Variants in TMEM33 observed in about 807,000 individuals in gnomAD.
TMEM33 encodes transmembrane protein 33.
A neutral mutation model predicts 29.7 loss-of-function variants in TMEM33; 16 were observed. That is an observed-to-expected ratio of 0.54 (90% CI 0.36 to 0.82). TMEM33 has a LOEUF of 0.82. TMEM33 is among the 40% of genes least tolerant of loss of function. The probability of loss-of-function intolerance (pLI) is 0.00; values close to 1 mark genes in which losing one functional copy is unlikely to be tolerated. For synonymous variants in TMEM33, 112 were observed against 109.4 expected, an observed-to-expected ratio of 1.02 and a Z score of -0.15; for missense variants, 252 against 295.3, an observed-to-expected ratio of 0.85 and a Z score of 1.08.
chr4:41,938,284 TGTA>T (rs1331118360), intron 1 of TMEM33, among the ~76,000 whole-genome samples: 3 of 152,218 alleles, frequency 2.0e-5, no homozygotes, highest in Non-Finnish European at 2.9e-5. Flanking sequence ...CACAGACAAT[TGTA>T]GTTGAATTTC....
intron 5 of TMEM33, among the ~76,000 whole-genome samples, chr4:41,947,200 C>T (rs1389456044): frequency 1.3e-5 from 2 of 150,582 alleles, no homozygotes; most frequent in Admixed American, 1.3e-4. Context: ...CGTGCCACTG[C>T]GCTCCAGCCT....
intron 4 of TMEM33, 28 bp downstream of exon 4, chr4:41,943,842 T>G: frequency 6.3e-7 from 1 of 1,599,928 alleles, no homozygotes; most frequent in Non-Finnish European, 8.6e-7. Flanking sequence ...TTGTCTGACT[T>G]CTGAATTACA....
chr4:41,949,481 A>C (rs924701945), intron 6 of TMEM33, 96 bp downstream of exon 6: 33 of 948,892 alleles, frequency 3.5e-5, no homozygotes, highest in Non-Finnish European at 4.8e-5. Context: ...CTAATGTGTT[A>C]GACTTTAGAA....
chr4:41,938,685 G>T lies in TMEM33; in HGVS notation c.129G>T (p.Leu43=). 1 of 1,613,950 alleles carries T rather than the reference G, an allele frequency of 6.2e-7. No individual in the cohort carries two copies. Among genetic ancestry groups the T allele is most frequent in the East Asian group, 2.2e-5 (1 of 44,858 alleles). ...TTTACTGCTCTGCTCTGTTTGTTCT[G>T]CCTCTTCTTGGGTATGTATTATACA... ...FTVYCSALFV[L]PLLGLHEAAS... Residue 43 remains leucine, a synonymous_variant, in exon 2 of 7, where the codon CTG becomes CTT. Transcript: ENST00000504986.
At chr4:41,951,573 C>CT (rs1249036527) in intron 6 of TMEM33, among the ~76,000 whole-genome samples, 1 of 152,194 alleles carries the variant, frequency 6.6e-6, no homozygotes, top group Non-Finnish European at 1.5e-5. Context: ...ATTCATTTGA[C>CT]TGATTGGTTA....
rs34741115 is a variant in TMEM33 at position 41,957,267 on chromosome 4, GTTTTTT to G, written c.*3080_*3085del. The G allele has an allele frequency of 4.4e-5, 6 of 135,828 alleles. No individual in the cohort carries two copies. The highest frequency in any genetic ancestry group is 2.2e-4 in the Admixed American group (3 of 13,382). The allele number at this position is 135,828 out of a possible 1,614,324, so 8.4% of individuals were successfully genotyped here. ...AATTTATTATGCAATTTGTATTTAG[GTTTTTT>G]TTTTTTTTTTTGGAATGAAGTTCAG... On this transcript the variant is annotated 3_prime_UTR_variant, in exon 7 of 7. Transcript: ENST00000504986.
chr4:41,943,996 A>G (rs74999505), intron 4 of TMEM33, 182 bp downstream of exon 4: 8,779 of 563,144 alleles, frequency 0.016, 582 homozygotes, highest in African/African-American at 0.15. Context: ...TTCACAAACT[A>G]GAACATTTTA....
intron 5 of TMEM33, among the ~76,000 whole-genome samples, chr4:41,945,213 T>C (rs1349194196): frequency 6.6e-6 from 1 of 152,222 alleles, no homozygotes; most frequent in East Asian, 1.9e-4. Context: ...TCTAGTCCAG[T>C]CTGTCACTAT....
At chr4:41,935,237 G>A (rs1015204474), upstream of TMEM33, 1 of 586,920 alleles carries the variant, frequency 1.7e-6, no homozygotes, top group Non-Finnish European at 3.0e-6. Context: ...TGGAAACACC[G>A]CTTTGATCTC....
At chr4:41,939,159 T>C (rs551380994) in intron 2 of TMEM33, 37 bp from the exon 3 acceptor site, 1 of 1,546,622 alleles carries the variant, frequency 6.5e-7, no homozygotes, top group South Asian at 1.3e-5. Context: ...TGCAGTTGTT[T>C]ATGTCTCATG....
chr4:41,939,419 A>G, intron 3 of TMEM33, 36 bp downstream of exon 3: 1 of 1,602,182 alleles, frequency 6.2e-7, no homozygotes, highest in Non-Finnish European at 8.5e-7. Flanking sequence ...TGAAATTGCC[A>G]ACTAAGCATA....
chr4:41,955,453 A>G lies in TMEM33; in HGVS notation c.*1254A>G, dbSNP rs187225506. ...ATTGGAAATGTTTAAAACATTGTAC[A>G]GTTTTAGTATAGAGAAATGTAATGG... On this transcript the variant is annotated 3_prime_UTR_variant, in exon 7 of 7. Transcript: ENST00000504986. 6.5e-6 allele frequency: 1 copy of G among 152,708 alleles called. No homozygotes were observed. Among genetic ancestry groups the G allele is most frequent in the East Asian group, 1.9e-4 (1 of 5,186 alleles). The allele number at this position is 152,708 out of a possible 1,614,324, so 9.5% of individuals were successfully genotyped here.
chr4:41,938,049 C>T (rs1375577027), intron 1 of TMEM33, among the ~76,000 whole-genome samples: 2 of 152,150 alleles, frequency 1.3e-5, no homozygotes, highest in Non-Finnish European at 2.9e-5. Flanking sequence ...GATTACAAGG[C>T]GAATGAGTTT....
In TMEM33 at chr4:41,958,560, TAGCCC is replaced by T. The variant is rs553689314; in HGVS notation, c.*4362_*4366del. The T allele has an allele frequency of 6.6e-6, 1 of 152,136 alleles. No homozygotes were observed. The highest frequency in any genetic ancestry group is 1.5e-5 in the Non-Finnish European group (1 of 68,036). 9.4% of individuals were successfully genotyped at this position (152,136 alleles called of 1,614,324 possible). On this transcript the variant is annotated 3_prime_UTR_variant, in exon 7 of 7. Transcript: ENST00000504986. ...GATCATTTTGTAGGTAGACTAGATA[TAGCCC>T]GTTGAACCTCTTTTAAAATTTAGAC...
At position 41,944,946 on chromosome 4, in the gene TMEM33, G is replaced by T; in HGVS notation, c.530+20G>T. 1 of 1,606,426 alleles carries T rather than the reference G, an allele frequency of 6.2e-7. No individual in the cohort carries two copies. ...TTTTAGGTAAGGAAAAATTATATTTGTTTTGGGAGGCTGATGACTGAACGT... is the reference window on the plus strand; with the variant it reads ...TTTTAGGTAAGGAAAAATTATATTTTTTTTGGGAGGCTGATGACTGAACGT... On this transcript the variant is annotated intron_variant, in intron 5 of 6. Transcript: ENST00000504986.
intron 5 of TMEM33, among the ~76,000 whole-genome samples, chr4:41,946,653 C>T (rs964134791): frequency 2.6e-5 from 4 of 152,086 alleles, no homozygotes; most frequent in East Asian, 1.9e-4. Flanking sequence ...TCCTCTTATC[C>T]TAGAAGCTGA....
At chr4:41,953,348 A>G (rs1362917081) in intron 6 of TMEM33, among the ~76,000 whole-genome samples, 2 of 152,272 alleles carry the variant, frequency 1.3e-5, no homozygotes, top group Admixed American at 6.5e-5. Context: ...CAGTGCATAC[A>G]GAAGTTATGT....
chr4:41,956,153 A>T lies in TMEM33; in HGVS notation c.*1954A>T, dbSNP rs1560521304. ...CCACCACGCCTGTAGTCCCAGCTGT[A>T]TTGTAAAAATACAAAATTTTAGTAT... is the stretch of plus-strand genomic sequence containing the variant. On this transcript the variant is annotated 3_prime_UTR_variant, in exon 7 of 7. Coordinates refer to ENST00000504986, the MANE Select transcript of TMEM33 (RefSeq NM_018126.3). 1 of 152,090 alleles carries T rather than the reference A, an allele frequency of 6.6e-6. No homozygotes were observed. Among genetic ancestry groups the T allele is most frequent in the South Asian group, 2.1e-4 (1 of 4,798 alleles). 9.4% of individuals were successfully genotyped at this position (152,090 alleles called of 1,614,324 possible).
At position 41,957,204 on chromosome 4, in the gene TMEM33, A is replaced by G. The variant is rs901932495; in HGVS notation, c.*3005A>G. On this transcript the variant is annotated 3_prime_UTR_variant, in exon 7 of 7. Coordinates refer to ENST00000504986, the MANE Select transcript of TMEM33 (RefSeq NM_018126.3). ...TTCTCTGTCCTTTTGTATAGTTGGTACCTTACTAATTTAAACTCTAATATC... is the reference window on the plus strand; with the variant it reads ...TTCTCTGTCCTTTTGTATAGTTGGTGCCTTACTAATTTAAACTCTAATATC... The G allele has an allele frequency of 6.6e-6, 1 of 151,100 alleles. No individual in the cohort carries two copies. The highest frequency in any genetic ancestry group is 1.5e-5 in the Non-Finnish European group (1 of 67,872). The allele number at this position is 151,100 out of a possible 1,614,324, so 9.4% of individuals were successfully genotyped here. A position where few individuals can be genotyped will look rare whatever the true frequency, so the allele number is the denominator to read the frequency against.
Sources: allele counts gnomAD v4.1 joint callset (sites outside exome capture counted in the v4.1 genomes callset), GRCh38; gene constraint gnomAD v4.1.1; transcripts MANE v1.5; gene names NCBI Gene and HGNC (gene_info 2026-07-23, HGNC 2026-07-21).